Variants in RBFOX1 observed in about 807,000 individuals in gnomAD.
RBFOX1 encodes the protein RNA binding fox-1 homolog 1.
In RBFOX1, 8 loss-of-function variants were observed where a neutral mutation model predicts 57.7. The observed-to-expected ratio is 0.14, with a 90% CI of 0.08 to 0.25. The LOEUF (loss-of-function observed/expected upper bound fraction) is 0.25, where lower values mean the gene tolerates loss of function less well. Among genes scored for constraint, RBFOX1 ranks in the 10% least tolerant of loss-of-function variants. The probability of loss-of-function intolerance (pLI) is 1.00; values close to 1 mark genes in which losing one functional copy is unlikely to be tolerated. For missense variants in RBFOX1, 611 were observed against 548.5 expected, an observed-to-expected ratio of 1.11 and a Z score of -1.14; for synonymous variants, 326 against 222.4, an observed-to-expected ratio of 1.47 and a Z score of -4.15.
intron 4 of RBFOX1, among the ~76,000 whole-genome samples, chr16:7,357,594 C>T (rs1216794253): frequency 6.6e-6 from 1 of 152,146 alleles, no homozygotes; most frequent in Non-Finnish European, 1.5e-5. Context: ...CCTATATGTG[C>T]ATTTCACCCA....
intron 1 of RBFOX1, among the ~76,000 whole-genome samples, chr16:5,330,929 C>G (rs1037578181): frequency 6.6e-6 from 1 of 152,052 alleles, no homozygotes; most frequent in Non-Finnish European, 1.5e-5. Flanking sequence ...TTTCCCTTCT[C>G]AGAACAGGGA....
At chr16:5,552,002 A>T (rs193000285) in intron 2 of RBFOX1, among the ~76,000 whole-genome samples, 47 of 152,176 alleles carry the variant, frequency 3.1e-4, no homozygotes, top group Admixed American at 2.0e-3. Flanking sequence ...CCTTTTTATT[A>T]TTAGCTGTGG....
chr16:7,687,744 A>C (rs1388592143), intron 14 of RBFOX1, among the ~76,000 whole-genome samples: 1 of 152,104 alleles, frequency 6.6e-6, no homozygotes, highest in African/African-American at 2.4e-5. Context: ...TATAATTAGC[A>C]ATTAAAATAT....
chr16:7,025,653 A>C (rs547130512), intron 3 of RBFOX1, among the ~76,000 whole-genome samples: 4 of 152,122 alleles, frequency 2.6e-5, no homozygotes, highest in East Asian at 1.9e-4. Flanking sequence ...AGAGGGGGGC[A>C]CCTCTTCATC....
chr16:7,073,911 C>G (rs1013774925), intron 4 of RBFOX1, among the ~76,000 whole-genome samples: 4 of 109,866 alleles, frequency 3.6e-5, no homozygotes, highest in Admixed American at 3.2e-4. Flanking sequence ...AAAAAATTGA[C>G]TGACAATCCA....
At chr16:5,500,620 C>G (rs2043160597) in intron 2 of RBFOX1, among the ~76,000 whole-genome samples, 1 of 152,212 alleles carries the variant, frequency 6.6e-6, no homozygotes, top group African/African-American at 2.4e-5. Context: ...AGTTCTCTCT[C>G]AACCTAAGTC....
At chr16:5,521,072 C>G (rs1226871150) in intron 2 of RBFOX1, among the ~76,000 whole-genome samples, 1 of 152,166 alleles carries the variant, frequency 6.6e-6, no homozygotes, top group Non-Finnish European at 1.5e-5. Flanking sequence ...CTGAACCAGC[C>G]CCTAACCTCT....
At chr16:7,601,720 C>G (rs1199912849) in intron 9 of RBFOX1, among the ~76,000 whole-genome samples, 1 of 152,152 alleles carries the variant, frequency 6.6e-6, no homozygotes, top group Non-Finnish European at 1.5e-5. Flanking sequence ...GTAAATGTGA[C>G]TAAGTGGGGA....
intron 13 of RBFOX1, among the ~76,000 whole-genome samples, chr16:7,674,610 G>A (rs1368882376): frequency 2.0e-5 from 3 of 152,178 alleles, no homozygotes; most frequent in African/African-American, 7.2e-5. Context: ...TTGACGACTT[G>A]TGCCCGTCTT....
At chr16:6,367,266 T>TTGTTC (rs1312903256) in intron 2 of RBFOX1, among the ~76,000 whole-genome samples, 4 of 151,908 alleles carry the variant, frequency 2.6e-5, no homozygotes, top group Admixed American at 6.6e-5. Context: ...TTGTTTTGTT[T>TTGTTC]TGTTTTGTTT....
chr16:7,201,209 C>G (rs575171518), intron 4 of RBFOX1, among the ~76,000 whole-genome samples: 119 of 152,274 alleles, frequency 7.8e-4, no homozygotes, highest in African/African-American at 2.5e-3. Flanking sequence ...ATATGCACCT[C>G]TCAGGGAGAA....
intron 3 of RBFOX1, among the ~76,000 whole-genome samples, chr16:5,697,823 A>T (rs1004449777): frequency 6.6e-6 from 1 of 152,142 alleles, no homozygotes; most frequent in African/African-American, 2.4e-5. Flanking sequence ...CATCCCTGAC[A>T]TTAGTGGGAG....
At chr16:6,290,609 C>T (rs540340314) in intron 1 of RBFOX1, among the ~76,000 whole-genome samples, 1 of 151,330 alleles carries the variant, frequency 6.6e-6, no homozygotes, top group Non-Finnish European at 1.5e-5. Context: ...TAGCGGTCAT[C>T]CTATTGTGTC....
chr16:6,060,122 G>GT lies in RBFOX1; in HGVS notation c.-127+40166dup, dbSNP rs199690584. Among the ~76,000 whole-genome samples, 786 of 114,102 alleles carry GT rather than the reference G, an allele frequency of 6.9e-3. 60 individuals are homozygous for GT. The highest frequency in any genetic ancestry group is 7.9e-3 in the Non-Finnish European group (456 of 58,068). The allele number at this position is 114,102 out of a possible 152,430, so 74.9% of individuals were successfully genotyped here. A position where few individuals can be genotyped will look rare whatever the true frequency, so the allele number is the denominator to read the frequency against. ...ATTTGGCCCTAAAATTAGGATTAGG[G>GT]TTTTTTTTTTTTTTTTTTTTTTTTT... On this transcript the variant is annotated intron_variant, in intron 1 of 15. Transcript: ENST00000550418.
chr16:5,964,650 T>TATAC (rs1399833724), intron 4 of RBFOX1, among the ~76,000 whole-genome samples: 2 of 152,104 alleles, frequency 1.3e-5, no homozygotes, highest in Non-Finnish European at 2.9e-5. Context: ...CACACACATA[T>TATAC]ATACATACAG....
At chr16:5,703,586 CA>C (rs2051130937) in intron 3 of RBFOX1, among the ~76,000 whole-genome samples, 1 of 152,174 alleles carries the variant, frequency 6.6e-6, no homozygotes, top group African/African-American at 2.4e-5. Flanking sequence ...TGTTTTAGTG[CA>C]GAGGTTAATG....
chr16:6,157,927 G>T (rs2152738489), intron 1 of RBFOX1, among the ~76,000 whole-genome samples: 1 of 152,242 alleles, frequency 6.6e-6, no homozygotes, highest in African/African-American at 2.4e-5. Flanking sequence ...CTATTGGATG[G>T]ATTTAAGTCA....
intron 2 of RBFOX1, among the ~76,000 whole-genome samples, chr16:6,378,807 A>C (rs535731396): frequency 2.0e-5 from 3 of 152,182 alleles, no homozygotes; most frequent in Non-Finnish European, 4.4e-5. Flanking sequence ...TCATCTTTAT[A>C]ATATCTCTTG....
chr16:6,346,083 A>T (rs1447870482), intron 2 of RBFOX1, among the ~76,000 whole-genome samples: 1 of 152,136 alleles, frequency 6.6e-6, no homozygotes, highest in African/African-American at 2.4e-5. Context: ...CAGAGGGATG[A>T]CTTTGAATAG....
Sources: gnomAD v4.1 joint callset for allele counts (sites outside exome capture counted in the v4.1 genomes callset) on GRCh38, gnomAD v4.1.1 for gene constraint, MANE v1.5 for transcripts, NCBI Gene and HGNC (gene_info 2026-07-23, HGNC 2026-07-21) for gene names.